Variants in MCF2L2 observed in about 807,000 individuals in gnomAD.
MCF2L2 encodes MCF.2 cell line derived transforming sequence-like 2.
Under a neutral mutation model 150.2 loss-of-function variants are expected in MCF2L2, and 102 were observed. That is an observed-to-expected ratio of 0.68 (90% CI 0.58 to 0.80). The LOEUF (loss-of-function observed/expected upper bound fraction) is 0.80, where lower values mean the gene tolerates loss of function less well. Among genes scored for constraint, MCF2L2 ranks in the 30% least tolerant of loss-of-function variants. MCF2L2 has a pLI of 0.00. For missense variants in MCF2L2, 1,256 were observed against 1,372.8 expected (o/e 0.91, Z 1.34); for synonymous variants, 465 against 491.3 (o/e 0.95, Z 0.71).
At chr3:183,320,137 G>A (rs900554928) in intron 6 of MCF2L2, among the ~76,000 whole-genome samples, 5 of 147,658 alleles carry the variant, frequency 3.4e-5, no homozygotes, top group African/African-American at 1.3e-4. Flanking sequence ...TTGTTGCCCA[G>A]GCTGGAGTGC....
At chr3:183,232,154 G>C (rs146399428) in intron 15 of MCF2L2, among the ~76,000 whole-genome samples, 3 of 152,194 alleles carry the variant, frequency 2.0e-5, no homozygotes, top group Non-Finnish European at 4.4e-5. Context: ...CTTTTGAGAT[G>C]GAGGGGGCCA....
rs1105131 is a variant in MCF2L2, at chr3:183,310,868, G to A, written c.993+47C>T. On this transcript the variant is annotated intron_variant, in intron 9 of 29. Coordinates refer to ENST00000328913, the MANE Select transcript of MCF2L2 (RefSeq NM_015078.4). ...GAGTGAGGAGGGAGAGAAAACCAGA[G>A]GTCCCGGTACCAGAAAAGAAAGTTA... The A allele has an allele frequency of 0.018, 23,161 of 1,308,622 alleles. 3,015 individuals are homozygous for A. In the African/African-American group the frequency reaches 0.29, roughly 16 times the overall value. The allele number at this position is 1,308,622 out of a possible 1,614,324, so 81.1% of individuals were successfully genotyped here.
At chr3:183,358,438 A>G (rs771326460) in intron 3 of MCF2L2, among the ~76,000 whole-genome samples, 3 of 152,238 alleles carry the variant, frequency 2.0e-5, no homozygotes, top group Non-Finnish European at 4.4e-5. Context: ...AACAAAAAAT[A>G]CAAAAACACT....
chr3:183,265,940 G>C (rs965917896), intron 15 of MCF2L2: 3 of 152,198 alleles, frequency 2.0e-5, no homozygotes, highest in African/African-American at 7.2e-5. Flanking sequence ...TGTTGGCTTT[G>C]TGACAGGTCT....
intron 3 of MCF2L2, among the ~76,000 whole-genome samples, chr3:183,353,124 A>C (rs1417046727): frequency 6.6e-6 from 1 of 152,204 alleles, no homozygotes; most frequent in Non-Finnish European, 1.5e-5. Context: ...CAAATGTTTA[A>C]ATTTTTCTGT....
At chr3:183,240,340 G>A (rs1576950277) in intron 15 of MCF2L2, among the ~76,000 whole-genome samples, 1 of 152,078 alleles carries the variant, frequency 6.6e-6, no homozygotes, top group Non-Finnish European at 1.5e-5. Context: ...AATGGTTCTC[G>A]TGCCTCAGCC....
chr3:183,253,857 G>GCCGCGGCCGCATCTTT (rs1444352963), intron 15 of MCF2L2: 1 of 152,302 alleles, frequency 6.6e-6, no homozygotes, highest in Non-Finnish European at 1.5e-5. Flanking sequence ...ACACGGCTGT[G>GCCGCGGCCGCATCTTT]CCGCGGCCGC....
chr3:183,219,377 G>A (rs1302428454), intron 21 of MCF2L2, among the ~76,000 whole-genome samples: 2 of 152,078 alleles, frequency 1.3e-5, no homozygotes, highest in African/African-American at 2.4e-5. Context: ...TTGGGAGGCC[G>A]AGGCAGGTGG....
intron 21 of MCF2L2, among the ~76,000 whole-genome samples, chr3:183,217,837 T>TAATTAAAGAGACC (rs1404965308): frequency 6.6e-6 from 1 of 152,168 alleles, no homozygotes; most frequent in Non-Finnish European, 1.5e-5. Context: ...AAGCAGTAAC[T>TAATTAAAGAGACC]AATTAAAGAG....
At chr3:183,211,397 A>G (rs1016809576) in intron 22 of MCF2L2, among the ~76,000 whole-genome samples, 17 of 152,216 alleles carry the variant, frequency 1.1e-4, no homozygotes, top group African/African-American at 3.1e-4. Flanking sequence ...TGGCAGAAAC[A>G]TATGGGCACA....
intron 2 of MCF2L2, among the ~76,000 whole-genome samples, chr3:183,388,648 G>A (rs1450394270): frequency 6.6e-6 from 1 of 152,200 alleles, no homozygotes; most frequent in Non-Finnish European, 1.5e-5. Context: ...TATTTATGGA[G>A]CTTTCAGTGA....
At position 183,428,083 on chromosome 3, in the gene MCF2L2, G is replaced by A. The variant is rs1399261453; in HGVS notation, c.-106C>T. On this transcript the variant is annotated 5_prime_UTR_variant, in exon 1 of 30. Transcript: ENST00000328913. The surrounding 1 kb of genome is among the most constrained non-coding windows in gnomAD (Gnocchi z 5.1). ...CTCCGCCCAAGGATGCTCTGCCCTC[G>A]CCCTCTTCCTGGCTCTCCAGGCAAG... The A allele has an allele frequency of 5.9e-6, 5 of 845,918 alleles. No individual in the cohort carries two copies. Among genetic ancestry groups the A allele is most frequent in the African/African-American group, 5.0e-5 (3 of 59,774 alleles). The allele number at this position is 845,918 out of a possible 1,614,324, so 52.4% of individuals were successfully genotyped here. A position where few individuals can be genotyped will look rare whatever the true frequency, so the allele number is the denominator to read the frequency against.
intron 3 of MCF2L2, chr3:183,377,944 A>G (rs1422646404): frequency 6.6e-6 from 1 of 152,256 alleles, no homozygotes; most frequent in Non-Finnish European, 1.5e-5. Context: ...TTGATGAAAT[A>G]TATTTAAGTA....
chr3:183,256,444 T>C (rs1725051427), intron 15 of MCF2L2, among the ~76,000 whole-genome samples: 1 of 152,214 alleles, frequency 6.6e-6, no homozygotes, highest in Non-Finnish European at 1.5e-5. Flanking sequence ...AGATACAAGA[T>C]TTGAATAAAA....
chr3:183,280,825 G>C (rs1577019554), intron 14 of MCF2L2, among the ~76,000 whole-genome samples: 1 of 145,944 alleles, frequency 6.9e-6, no homozygotes, highest in Non-Finnish European at 1.5e-5. Flanking sequence ...TCCAGCCTGG[G>C]CAACAGAGTG....
chr3:183,217,836 C>T (rs184880670), intron 21 of MCF2L2, among the ~76,000 whole-genome samples: 11 of 152,262 alleles, frequency 7.2e-5, no homozygotes, highest in African/African-American at 2.6e-4. Flanking sequence ...AAAGCAGTAA[C>T]TAATTAAAGA....
chr3:183,263,149 T>G (rs1725777038), intron 15 of MCF2L2, among the ~76,000 whole-genome samples: 1 of 152,096 alleles, frequency 6.6e-6, no homozygotes, highest in Admixed American at 6.5e-5. Context: ...CAGTTCTCAG[T>G]GAAGCCATGT....
At chr3:183,357,878 C>A (rs1487820909) in intron 3 of MCF2L2, among the ~76,000 whole-genome samples, 1 of 151,514 alleles carries the variant, frequency 6.6e-6, no homozygotes, top group Non-Finnish European at 1.5e-5. Flanking sequence ...CGGCAGACAC[C>A]CCTATGAGTA....
chr3:183,263,685 A>G (rs1020310156), intron 15 of MCF2L2, among the ~76,000 whole-genome samples: 2 of 151,742 alleles, frequency 1.3e-5, no homozygotes, highest in Admixed American at 6.6e-5. Context: ...TTAGATTATT[A>G]CCCCCTGGAC....
Sources: allele counts gnomAD v4.1 joint callset (sites outside exome capture counted in the v4.1 genomes callset), GRCh38; gene constraint gnomAD v4.1.1; non-coding constraint Gnocchi (gnomAD v3.1); transcripts MANE v1.5; gene names NCBI Gene and HGNC (gene_info 2026-07-23, HGNC 2026-07-21).